METTL21A: variants seen among roughly 807,000 people sequenced by gnomAD.
The protein encoded by METTL21A is protein N-lysine methyltransferase METTL21A.
In METTL21A, 22 loss-of-function variants were observed where a neutral mutation model predicts 20.9. The ratio of observed to expected loss-of-function variants is 1.05; its 90% CI spans 0.75 to 1.50. The LOEUF is 1.50. Ranked by LOEUF, METTL21A falls within the 40% of genes most tolerant of loss-of-function variation. The pLI, the probability that METTL21A is intolerant of heterozygous loss-of-function variation, is 0.00. For missense variants in METTL21A, 271 were observed against 266.8 expected, an observed-to-expected ratio of 1.02 and a Z score of -0.11; for synonymous variants, 93 against 102.0, an observed-to-expected ratio of 0.91 and a Z score of 0.53.
rs183530826 is a variant in METTL21A, at chr2:207,616,528, G to A, written c.260-3085C>T. Among the ~76,000 whole-genome samples, 20 of 152,320 alleles carry A rather than the reference G, an allele frequency of 1.3e-4. No individual in the cohort carries two copies. In the East Asian group the frequency reaches 2.3e-3, roughly 18 times the overall value. ...ACAACTTACATTCAAGTGAGAGATA[G>A]GCAGTAAGACGTTTTTTAAAAAAAC... On this transcript the variant is annotated intron_variant, in intron 3 of 3. Transcript: ENST00000406927.
At chr2:207,597,508 G>A (rs2086364746) in intron 3 of METTL21A, 1 of 219,986 alleles carries the variant, frequency 4.5e-6, no homozygotes, top group African/African-American at 2.2e-5. Context: ...ATGAAGAAGT[G>A]TTGATTGCCA....
Position 207,586,101 on chromosome 2 carries a change from T to G in METTL21A, c.260-3941A>C, listed in dbSNP as rs1341246826. 4.6e-5 allele frequency among the ~76,000 whole-genome samples: 7 copies of G among 151,994 alleles called. No homozygotes were observed. In the South Asian group the frequency reaches 6.2e-4, roughly 13 times the overall value. ...TCAAAAGTCAAAAACAAAGAAAAAATTCTTATGGAACCAAAAACAGCCCAA... is the reference window on the plus strand; with the variant it reads ...TCAAAAGTCAAAAACAAAGAAAAAAGTCTTATGGAACCAAAAACAGCCCAA... On this transcript the variant is annotated intron_variant, in intron 3 of 3. Transcript: ENST00000425132.
At chr2:207,586,332 T>C (rs761566947) in intron 3 of METTL21A, among the ~76,000 whole-genome samples, 39 of 152,176 alleles carry the variant, frequency 2.6e-4, no homozygotes, top group Non-Finnish European at 5.0e-4. Context: ...GGACACTCTC[T>C]TCAATCAATG....
downstream of METTL21A, chr2:207,580,899 A>G (rs1226605703): frequency 2.8e-5 from 6 of 218,038 alleles, no homozygotes; most frequent in African/African-American, 4.5e-5. Context: ...TTTTGAAAGC[A>G]TTTGCTTGAT....
downstream of METTL21A, among the ~76,000 whole-genome samples, chr2:207,604,503 C>T (rs1015627658): frequency 5.9e-5 from 9 of 152,052 alleles, no homozygotes; most frequent in African/African-American, 1.4e-4. Context: ...TTCTTAAGTG[C>T]AGTGACCAAA....
chr2:207,613,275 G>A, exon 4 of METTL21A: 2 of 1,614,022 alleles, frequency 1.2e-6, no homozygotes, highest in African/African-American at 2.7e-5. Flanking sequence ...TATGATATCA[G>A]CACCAAGTAT....
intron 3 of METTL21A, among the ~76,000 whole-genome samples, chr2:207,604,085 G>A (rs1251819192): frequency 6.6e-6 from 1 of 152,124 alleles, no homozygotes; most frequent in Non-Finnish European, 1.5e-5. Flanking sequence ...TTACATGAGG[G>A]ACAATAGGCA....
chr2:207,588,488 T>G (rs1287746582), intron 3 of METTL21A, among the ~76,000 whole-genome samples: 1 of 152,186 alleles, frequency 6.6e-6, no homozygotes, highest in Admixed American at 6.5e-5. Flanking sequence ...TTCTTAAAAT[T>G]GTTTGGCTAT....
chr2:207,588,895 G>C (rs1203895989), intron 3 of METTL21A, among the ~76,000 whole-genome samples: 1 of 143,672 alleles, frequency 7.0e-6, no homozygotes, highest in Non-Finnish European at 1.5e-5. Context: ...TTGTCGGGGG[G>C]GGTGTAGATT....
exon 3 of METTL21A, chr2:207,621,893 C>T: frequency 6.2e-7 from 1 of 1,614,128 alleles, no homozygotes; most frequent in Non-Finnish European, 8.5e-7. Context: ...GCTCCCATCT[C>T]CAGGTATGTG....
chr2:207,623,221 C>A (rs1263464548), intron 2 of METTL21A, among the ~76,000 whole-genome samples: 15 of 152,134 alleles, frequency 9.9e-5, no homozygotes, highest in Admixed American at 7.9e-4. Context: ...TTATTATTAC[C>A]AGAGTAACTT....
intron 2 of METTL21A, among the ~76,000 whole-genome samples, chr2:207,623,416 G>C (rs944043272): frequency 3.9e-5 from 6 of 152,182 alleles, no homozygotes; most frequent in African/African-American, 1.4e-4. Flanking sequence ...TAGATGCTGA[G>C]GGCTCAAGTC....
At chr2:207,619,172 GC>G (rs1386178885) in intron 3 of METTL21A, among the ~76,000 whole-genome samples, 1 of 63,550 alleles carries the variant, frequency 1.6e-5, no homozygotes, top group Non-Finnish European at 2.9e-5. Flanking sequence ...ACATAGCACC[GC>G]TTTTTTTTTT....
At chr2:207,583,782 A>G (rs911321948) in intron 3 of METTL21A, among the ~76,000 whole-genome samples, 2 of 152,226 alleles carry the variant, frequency 1.3e-5, no homozygotes, top group Non-Finnish European at 2.9e-5. Context: ...GAACAATTAT[A>G]CTAGTTAACT....
At chr2:207,617,406 G>C (rs1456670478) in intron 3 of METTL21A, among the ~76,000 whole-genome samples, 2 of 152,198 alleles carry the variant, frequency 1.3e-5, no homozygotes, top group Non-Finnish European at 2.9e-5. Flanking sequence ...CAAAGGAAGG[G>C]AAATCTGAGC....
downstream of METTL21A, among the ~76,000 whole-genome samples, chr2:207,607,990 C>T (rs1321490361): frequency 1.3e-5 from 2 of 152,046 alleles, no homozygotes; most frequent in African/African-American, 4.8e-5. Context: ...CACACACACC[C>T]CACACCTGAA....
intron 3 of METTL21A, chr2:207,620,653 A>G: frequency 1.3e-6 from 2 of 1,535,014 alleles, no homozygotes; most frequent in African/African-American, 1.4e-5. Context: ...GAAAAGAATA[A>G]AAGGCAGTGT....
downstream of METTL21A, among the ~76,000 whole-genome samples, chr2:207,606,805 A>AAT (rs1490529974): frequency 1.3e-5 from 2 of 152,122 alleles, no homozygotes; most frequent in African/African-American, 4.8e-5. Flanking sequence ...AAGTACTTTA[A>AAT]AATTTTATTT....
At chr2:207,618,324 C>T (rs765433962) in intron 3 of METTL21A, among the ~76,000 whole-genome samples, 1 of 152,156 alleles carries the variant, frequency 6.6e-6, no homozygotes, top group Non-Finnish European at 1.5e-5. Context: ...CCTGAAACCA[C>T]AGATAGTAAC....
Sources: gnomAD v4.1 joint callset for allele counts (sites outside exome capture counted in the v4.1 genomes callset) on GRCh38, gnomAD v4.1.1 for gene constraint, MANE v1.5 for transcripts, NCBI Gene and HGNC (gene_info 2026-07-23, HGNC 2026-07-21) for gene names.